The following NOTCH2 variants were observed in gnomAD, a reference collection of about 807,000 sequenced individuals.
The protein encoded by NOTCH2 is neurogenic locus notch homolog protein 2.
Under a neutral mutation model 235.8 loss-of-function variants are expected in NOTCH2, and 29 were observed. That is an observed-to-expected ratio of 0.12 (90% CI 0.09 to 0.17). The LOEUF (loss-of-function observed/expected upper bound fraction) is 0.17, where lower values mean the gene tolerates loss of function less well. Ranked by LOEUF, NOTCH2 falls within the 10% of genes least tolerant of loss-of-function variation. The pLI, the probability that NOTCH2 is intolerant of heterozygous loss-of-function variation, is 1.00. For synonymous variants in NOTCH2, 1,086 were observed against 1,141.5 expected, an observed-to-expected ratio of 0.95 and a Z score of 0.98; for missense variants, 2,285 against 3,150.2, an observed-to-expected ratio of 0.73 and a Z score of 6.57.
intron 5 of NOTCH2, among the ~76,000 whole-genome samples, chr1:119,985,118 G>C (rs1286238092): frequency 6.6e-6 from 1 of 152,114 alleles, no homozygotes; most frequent in Non-Finnish European, 1.5e-5. Context: ...CAGAGCTGAA[G>C]CCATGAAAGG....
chr1:119,981,509 GC>G (rs1348302448), intron 5 of NOTCH2, among the ~76,000 whole-genome samples: 1 of 152,118 alleles, frequency 6.6e-6, no homozygotes, highest in Non-Finnish European at 1.5e-5. Context: ...TTCCATGGGG[GC>G]TTAGAGAGCC....
At chr1:120,037,714 T>A (rs1268716051) in intron 1 of NOTCH2, among the ~76,000 whole-genome samples, 1 of 151,788 alleles carries the variant, frequency 6.6e-6, no homozygotes, top group Non-Finnish European at 1.5e-5. Flanking sequence ...ATAAATCGAT[T>A]TTGTTTTCCT....
In NOTCH2 at chr1:120,043,209, C is replaced by A. The variant is rs1171826232; in HGVS notation, c.74-13222G>T. On this transcript the variant is annotated intron_variant, in intron 1 of 33. Transcript: ENST00000256646. ...CATTCCTCCACCCAAGTCTACAAAG[C>A]ATTCTATGGCTTGTGTGAACACCTC... Among the ~76,000 whole-genome samples, 7 of 147,186 alleles carry A rather than the reference C, an allele frequency of 4.8e-5. 1 individual carries two copies. The highest frequency in any genetic ancestry group is 1.8e-4 in the African/African-American group (7 of 38,028).
chr1:120,002,049 T>C (rs1314016604), intron 3 of NOTCH2, among the ~76,000 whole-genome samples: 1 of 152,204 alleles, frequency 6.6e-6, no homozygotes, highest in Non-Finnish European at 1.5e-5. Context: ...GATTCACAGG[T>C]CCAGGAATCA....
Position 120,069,403 on chromosome 1 carries a change from G to A in NOTCH2, c.4C>T (p.Pro2Ser), listed in dbSNP as rs782173854. The A allele has an allele frequency of 1.3e-6, 2 of 1,545,820 alleles. No homozygotes were observed. The highest frequency in any genetic ancestry group is 1.2e-5 in the South Asian group (1 of 85,124). MPALRPALLWAL... is the reference protein window; with the variant it reads MSALRPALLWAL... ...CACAGCAGAGCGGGGCGCAGGGCGG[G>A]CATCTTCTCGGTCGCCTCCTCCTCC... The change falls in exon 1 of 34, where the codon CCC becomes TCC. Residue 2 changes from proline (P) to serine (S), a missense_variant. Physicochemically the swap from Pro to Ser is moderately conservative, Grantham distance 74. Coordinates refer to ENST00000256646, the MANE Select transcript of NOTCH2 (RefSeq NM_024408.4).
intron 31 of NOTCH2, 104 bp downstream of exon 31, chr1:119,919,208 C>T: frequency 7.8e-7 from 1 of 1,287,538 alleles, no homozygotes; most frequent in Non-Finnish European, 1.1e-6. Flanking sequence ...CCTAATCTCT[C>T]AAATGATTGA....
chr1:119,940,688 A>G lies in NOTCH2; in HGVS notation c.3050T>C (p.Phe1017Ser). Residue 1017 changes from phenylalanine to serine, a missense_variant, in exon 19 of 34, where the codon TTC (phenylalanine) becomes TCC (serine). Coordinates refer to ENST00000256646, the MANE Select transcript of NOTCH2 (RefSeq NM_024408.4). ...CTCATGGAGGCAGAAGGATCCAGTG[A>G]AACCCACAGGGCACAAGCAAGAGAA... is the stretch of plus-strand genomic sequence containing the variant. ...NSFSCLCPVG[F>S]TGSFCLHEIN... 1 of 1,614,162 alleles carries G rather than the reference A, an allele frequency of 6.2e-7. No homozygotes were observed.
At chr1:119,996,639 T>C (rs1652461415) in intron 4 of NOTCH2, 1 of 823,030 alleles carries the variant, frequency 1.2e-6, no homozygotes, top group Non-Finnish European at 2.2e-6. Flanking sequence ...AGCACTTTAT[T>C]AACCACACAT....
chr1:119,932,201 T>A lies in NOTCH2; in HGVS notation c.3656-2989A>T, dbSNP rs1228836923. 2.0e-5 allele frequency among the ~76,000 whole-genome samples: 3 copies of A among 152,286 alleles called. No homozygotes were observed. The East Asian group carries it at 5.8e-4, about 29-fold the overall frequency. The stretch of plus-strand genomic sequence containing the variant: ...AAAATTTATTTCACCAATATACTTA[T>A]ATGCCTGCAAGATAACTGAAATATC... On this transcript the variant is annotated intron_variant, in intron 22 of 33. Transcript: ENST00000256646.
intron 15 of NOTCH2, among the ~76,000 whole-genome samples, chr1:119,949,678 C>T (rs1452574809): frequency 6.6e-6 from 1 of 152,140 alleles, no homozygotes; most frequent in African/African-American, 2.4e-5. Flanking sequence ...AGCCACCGTG[C>T]CTGGCCTACT....
chr1:119,953,729 G>T lies in NOTCH2; in HGVS notation c.2220-41C>A, dbSNP rs201805451. On this transcript the variant is annotated intron_variant, in intron 13 of 33. Transcript: ENST00000256646. ...ACTTTTTACTATAGGAGGTATAAAC[G>T]TATGATTGAGTCATAGAGTGAAATA... is the stretch of plus-strand genomic sequence containing the variant. The T allele has an allele frequency of 1.3e-4, 204 of 1,553,472 alleles. 1 individual carries two copies. In the African/African-American group the frequency reaches 2.5e-3, roughly 19 times the overall value.
At chr1:119,976,057 T>C (rs938675261) in intron 5 of NOTCH2, among the ~76,000 whole-genome samples, 2 of 152,214 alleles carry the variant, frequency 1.3e-5, no homozygotes, top group Admixed American at 6.5e-5. Context: ...CTGGTCCAGT[T>C]AAGGGTCAAC....
intron 1 of NOTCH2, among the ~76,000 whole-genome samples, chr1:120,063,864 G>A (rs1448547354): frequency 1.3e-5 from 2 of 152,202 alleles, no homozygotes; most frequent in African/African-American, 4.8e-5. Flanking sequence ...CATAAGAGAG[G>A]TTAGGGAAAC....
rs750577986 is a variant in NOTCH2, at chr1:119,915,611, G to C, written c.7111C>G (p.Pro2371Ala). ...GAGGCTGGGAAAGGATGATAGGCTG[G>C]GAGAATGGTCTGAGCTACCTGCCCG... is the stretch of plus-strand genomic sequence containing the variant. The part of the protein sequence containing the change: ...QDGQVAQTIL[P>A]AYHPFPASVG... The change falls in exon 34 of 34, where the codon CCA (proline) becomes GCA (alanine). Residue 2371 changes from proline to alanine, a missense_variant. Pro to Ala is a conservative substitution (Grantham distance 27, BLOSUM62 -1). Coordinates refer to ENST00000256646, the MANE Select transcript of NOTCH2 (RefSeq NM_024408.4). The C allele has an allele frequency of 6.2e-7, 1 of 1,614,028 alleles. No individual in the cohort carries two copies. Among genetic ancestry groups the C allele is most frequent in the Non-Finnish European group, 8.5e-7 (1 of 1,180,040 alleles).
In NOTCH2 at chr1:119,918,082, A is replaced by G. The variant is rs191416911; in HGVS notation, c.5930-320T>C. ...TTACATGTCAGAATTTATATTGAGAATATTCTACAACTCTCCTAGAGAAGT... is the reference window on the plus strand; with the variant it reads ...TTACATGTCAGAATTTATATTGAGAGTATTCTACAACTCTCCTAGAGAAGT... On this transcript the variant is annotated intron_variant, in intron 32 of 33. Coordinates refer to ENST00000256646, the MANE Select transcript of NOTCH2 (RefSeq NM_024408.4). 4.2e-4 allele frequency among the ~76,000 whole-genome samples: 64 copies of G among 152,292 alleles called. 1 individual carries two copies. The highest frequency in any genetic ancestry group is 1.5e-3 in the African/African-American group (62 of 41,552).
intron 1 of NOTCH2, among the ~76,000 whole-genome samples, chr1:120,063,163 G>A (rs1655373519): frequency 6.6e-6 from 1 of 151,666 alleles, no homozygotes; most frequent in South Asian, 2.1e-4. Context: ...GCCCCTTCTT[G>A]CAGATTGTTT....
chr1:120,029,552 T>C lies in NOTCH2; in HGVS notation c.155+354A>G, dbSNP rs1456590587. ...TTTTAGTAGAGATAGGGTTTCACTA[T>C]GTTGGCCAGGCTGATCTTGAACTCC... On this transcript the variant is annotated intron_variant, in intron 2 of 33. Coordinates refer to ENST00000256646, the MANE Select transcript of NOTCH2 (RefSeq NM_024408.4). Among the ~76,000 whole-genome samples, 11 of 152,036 alleles carry C rather than the reference T, an allele frequency of 7.2e-5. No homozygotes were observed. The South Asian group carries it at 1.0e-3, about 14-fold the overall frequency.
chr1:120,005,179 G>C (rs1652917809), intron 3 of NOTCH2, 150 bp downstream of exon 3: 3 of 922,862 alleles, frequency 3.3e-6, no homozygotes, highest in Non-Finnish European at 5.3e-6. Context: ...GTTAGGGATA[G>C]TTGTCTGGAA....
At chr1:119,985,249 CA>C (rs1183699012) in intron 5 of NOTCH2, among the ~76,000 whole-genome samples, 2 of 145,106 alleles carry the variant, frequency 1.4e-5, no homozygotes, top group South Asian at 2.2e-4. Context: ...TGATGAATAA[CA>C]AAAAAAAAAC....
Sources: allele counts gnomAD v4.1 joint callset (sites outside exome capture counted in the v4.1 genomes callset), GRCh38; gene constraint gnomAD v4.1.1; transcripts MANE v1.5; gene names NCBI Gene and HGNC (gene_info 2026-07-23, HGNC 2026-07-21).